NBAS: variants seen among roughly 807,000 people sequenced by gnomAD.
NBAS encodes the protein NAG/BC035112 fusion.
NBAS carries 219 observed loss-of-function variants against 302.5 expected under a neutral mutation model. The observed-to-expected ratio is 0.72, with a 90% CI of 0.65 to 0.81. NBAS has a LOEUF of 0.81. Among genes scored for constraint, NBAS ranks in the 30% least tolerant of loss-of-function variants. The probability of loss-of-function intolerance (pLI) is 0.00; values close to 1 mark genes in which losing one functional copy is unlikely to be tolerated. For synonymous variants in NBAS, 1,118 were observed against 1,021.6 expected (o/e 1.09, Z -1.80); for missense variants, 2,932 against 2,841.6 (o/e 1.03, Z -0.72).
the NBAS span, among the ~76,000 whole-genome samples, chr2:14,909,729 T>A: frequency 3.0e-4 from 45 of 152,306 alleles, 1 homozygote; most frequent in East Asian, 8.1e-3. Context: ...TTAGAGGGAC[T>A]TTCTCAGCCA....
At chr2:14,861,990 C>G in the NBAS span, among the ~76,000 whole-genome samples, 2 of 152,212 alleles carry the variant, frequency 1.3e-5, no homozygotes, top group African/African-American at 4.8e-5. Flanking sequence ...AGGCCGGTAT[C>G]TGGAGCCAAG....
Position 15,504,184 on chromosome 2 carries a change from C to T in NBAS, c.915G>A (p.Met305Ile), listed in dbSNP as rs562939436. 252 of 1,613,486 alleles carry T rather than the reference C, an allele frequency of 1.6e-4. 2 individuals are homozygous for T. The South Asian group carries it at 2.5e-3, about 16-fold the overall frequency. Residue 305 changes from methionine to isoleucine, a missense_variant, in exon 11 of 52, where the codon ATG (methionine) becomes ATA (isoleucine). Physicochemically the swap from Met to Ile is conservative, Grantham distance 10 (BLOSUM62 1). Coordinates refer to ENST00000281513, the MANE Select transcript of NBAS (RefSeq NM_015909.4). ...AVPKTLGLLR[M>I]LSVKFYSRQG... ...GGCGACTGTAAAACTTGACACTTAA[C>T]ATCCTTAATAATCCCAGTGTCTTCG...
At chr2:15,361,961 C>T (rs1673950402) in intron 32 of NBAS, among the ~76,000 whole-genome samples, 1 of 147,236 alleles carries the variant, frequency 6.8e-6, no homozygotes, top group African/African-American at 2.5e-5. Flanking sequence ...GCCCGAGAAA[C>T]AGGAGTGAAA....
the NBAS span, among the ~76,000 whole-genome samples, chr2:15,138,308 A>C: frequency 6.6e-6 from 1 of 152,164 alleles, no homozygotes; most frequent in African/African-American, 2.4e-5. Context: ...AGGGAGCACA[A>C]GGATGTCCTG....
the NBAS span, among the ~76,000 whole-genome samples, chr2:15,037,945 A>G: frequency 1.3e-5 from 2 of 152,082 alleles, no homozygotes; most frequent in South Asian, 2.1e-4. Flanking sequence ...TGTGGTACCA[A>G]TGGCCCCTCC....
chr2:14,999,752 T>A, the NBAS span, among the ~76,000 whole-genome samples: 1 of 152,228 alleles, frequency 6.6e-6, no homozygotes, highest in Non-Finnish European at 1.5e-5. Context: ...GAGAATGGAC[T>A]AATACATTAT....
chr2:15,386,800 A>T (rs1188425762), intron 28 of NBAS, among the ~76,000 whole-genome samples: 3 of 151,990 alleles, frequency 2.0e-5, no homozygotes, highest in South Asian at 4.1e-4. Flanking sequence ...TCTGTTGCCA[A>T]TTTTTCTTTT....
intron 25 of NBAS, among the ~76,000 whole-genome samples, chr2:15,402,649 TCAGTTA>T (rs1380355674): frequency 1.2e-4 from 18 of 152,310 alleles, no homozygotes; most frequent in African/African-American, 4.3e-4. Context: ...TCTATGTGTT[TCAGTTA>T]CAAAGTTATA....
rs529117949 is a variant in NBAS at position 15,508,137 on chromosome 2, TTA to T, written c.885+3073_885+3074del. Among the ~76,000 whole-genome samples, 79 of 152,340 alleles carry T rather than the reference TTA, an allele frequency of 5.2e-4. 1 individual carries two copies. The South Asian group carries it at 0.016, about 31-fold the overall frequency. ...CTGCAAGACACAGCCACTAACATAA[TTA>T]AAATACACTTGCAGCATTTCAAGAA... On this transcript the variant is annotated intron_variant, in intron 10 of 51. Coordinates refer to ENST00000281513, the MANE Select transcript of NBAS (RefSeq NM_015909.4).
At chr2:14,990,629 A>G in the NBAS span, among the ~76,000 whole-genome samples, 18,170 of 152,140 alleles carry the variant, frequency 0.12, 1,222 homozygotes, top group Middle Eastern at 0.2. Context: ...ATTTTGTCAT[A>G]CTTTTTAATT....
intron 35 of NBAS, among the ~76,000 whole-genome samples, chr2:15,340,617 AAAGTCGATTATTTC>A (rs1268955532): frequency 6.6e-6 from 1 of 152,178 alleles, no homozygotes; most frequent in African/African-American, 2.4e-5. Context: ...TCATCAGCAC[AAAGTCGATTATTTC>A]AAGTCAGGAT....
rs1268332884 is a variant in NBAS, at chr2:15,377,114, T to C, written c.3591-2394A>G. 2.6e-5 allele frequency among the ~76,000 whole-genome samples: 4 copies of C among 152,106 alleles called. No homozygotes were observed. In the East Asian group the frequency reaches 5.8e-4, roughly 22 times the overall value. ...GAATAGCAATTGGAAAGATAAATCA[T>C]ATATAATGAAAACTTGGCAATGTAG... On this transcript the variant is annotated intron_variant, in intron 30 of 51. Transcript: ENST00000281513.
Position 15,474,181 on chromosome 2 carries a change from C to G in NBAS, c.1485G>C (p.Leu495Phe). 6.2e-7 allele frequency: 1 copy of G among 1,613,994 alleles called. No individual in the cohort carries two copies. Reference sequence around the variant, plus strand: ...GTGCAAATCGCTCCATTTCAGTCACCAAGTAAAGGCCCTGTTTTATATAAC... The same window carrying G: ...GTGCAAATCGCTCCATTTCAGTCACGAAGTAAAGGCCCTGTTTTATATAAC... ...YFGYIKQGLYLVTEMERFAPP... is the reference protein window; with the variant it reads ...YFGYIKQGLYFVTEMERFAPP... Residue 495 changes from leucine to phenylalanine, a missense_variant, in exon 15 of 52, where the codon TTG (leucine) becomes TTC (phenylalanine). By Grantham distance (22) the Leu-to-Phe change is conservative. Coordinates refer to ENST00000281513, the MANE Select transcript of NBAS (RefSeq NM_015909.4).
chr2:15,037,912 G>T, the NBAS span, among the ~76,000 whole-genome samples: 1 of 152,028 alleles, frequency 6.6e-6, no homozygotes, highest in African/African-American at 2.4e-5. Context: ...TTTGCACACA[G>T]ACATACTTGC....
At chr2:15,158,659 G>A in the NBAS span, among the ~76,000 whole-genome samples, 1 of 152,226 alleles carries the variant, frequency 6.6e-6, no homozygotes, top group Admixed American at 6.5e-5. Context: ...CCCAGCCAGA[G>A]TCGGGGCCCA....
the NBAS span, among the ~76,000 whole-genome samples, chr2:14,810,067 T>G: frequency 6.6e-6 from 1 of 152,250 alleles, no homozygotes; most frequent in Non-Finnish European, 1.5e-5. Flanking sequence ...ATCTAGGAAG[T>G]AACTAACTTG....
At chr2:15,102,613 G>A in the NBAS span, among the ~76,000 whole-genome samples, 1 of 152,108 alleles carries the variant, frequency 6.6e-6, no homozygotes, top group Admixed American at 6.5e-5. Context: ...GGCACTCACA[G>A]GTTTGATTAA....
At chr2:15,195,281 G>A (rs926363785) in intron 48 of NBAS, among the ~76,000 whole-genome samples, 3 of 152,152 alleles carry the variant, frequency 2.0e-5, no homozygotes, top group Non-Finnish European at 4.4e-5. Flanking sequence ...TAGGGCCTGC[G>A]TTAGTTTTAC....
At chr2:14,869,777 G>A in the NBAS span, among the ~76,000 whole-genome samples, 1 of 152,096 alleles carries the variant, frequency 6.6e-6, no homozygotes, top group Non-Finnish European at 1.5e-5. Context: ...AGGCAAAAAG[G>A]TAGCCAAAGA....
Sources: allele counts gnomAD v4.1 joint callset (sites outside exome capture counted in the v4.1 genomes callset), GRCh38; gene constraint gnomAD v4.1.1; transcripts MANE v1.5; gene names NCBI Gene and HGNC (gene_info 2026-07-23, HGNC 2026-07-21).